The following RC3H1 variants were observed in gnomAD, a reference collection of about 807,000 sequenced individuals.
The protein encoded by RC3H1 is ring finger and CCCH-type domains 1.
Under a neutral mutation model 138.2 loss-of-function variants are expected in RC3H1, and 50 were observed. That is an observed-to-expected ratio of 0.36 (90% CI 0.29 to 0.46). RC3H1 has a LOEUF of 0.46. Ranked by LOEUF, RC3H1 falls within the 20% of genes least tolerant of loss-of-function variation. RC3H1 has a pLI of 1.00. For missense variants in RC3H1, 1,031 were observed against 1,388.1 expected, an observed-to-expected ratio of 0.74 and a Z score of 4.09; for synonymous variants, 462 against 489.1, an observed-to-expected ratio of 0.94 and a Z score of 0.73.
chr1:173,984,683 T>C, intron 2 of RC3H1, 64 bp from the exon 3 acceptor site: 1 of 1,515,136 alleles, frequency 6.6e-7, no homozygotes, highest in Non-Finnish European at 8.9e-7. Flanking sequence ...TTTAGTATAG[T>C]TTATGCACTC....
At position 173,965,003 on chromosome 1, in the gene RC3H1, AT is replaced by A; in HGVS notation, c.1451del (p.Asp484ValfsTer21). On this transcript the variant is annotated frameshift_variant, in exon 10 of 20. Transcript: ENST00000367696. LOFTEE classifies it high-confidence loss of function. ...GAGCAGGAGGTTTTCTGCTAGGGAG[AT>A]CCACTGCACCTTCATCTGGAAGGAT... ...AAILPDEGAV[D>X]LPSRKPPALP... is the part of the protein sequence containing the mutation. The A allele has an allele frequency of 6.2e-7, 1 of 1,614,068 alleles. No homozygotes were observed. The highest frequency in any genetic ancestry group is 8.5e-7 in the Non-Finnish European group (1 of 1,180,024).
chr1:174,004,544 G>A (rs12752634), intron 1 of RC3H1, among the ~76,000 whole-genome samples: 56 of 151,770 alleles, frequency 3.7e-4, no homozygotes, highest in Non-Finnish European at 7.1e-4. Context: ...AGTGGCTCAT[G>A]CCTATAATCC....
At chr1:173,978,689 C>A in intron 6 of RC3H1, 69 bp from the exon 7 acceptor site, 2 of 1,447,332 alleles carry the variant, frequency 1.4e-6, no homozygotes, top group South Asian at 1.3e-5. Context: ...TTATTTATAT[C>A]ACAATCATTT....
At chr1:173,972,141 ATACT>A (rs1168432450) in intron 8 of RC3H1, among the ~76,000 whole-genome samples, 1 of 152,218 alleles carries the variant, frequency 6.6e-6, no homozygotes, top group African/African-American at 2.4e-5. Flanking sequence ...CTAAAAAGTG[ATACT>A]TATTGTCAAA....
Position 173,931,436 on chromosome 1 carries a change from G to C in RC3H1, c.*7285C>G, listed in dbSNP as rs1484377594. On this transcript the variant is annotated 3_prime_UTR_variant, in exon 20 of 20. Transcript: ENST00000367696. The stretch of plus-strand genomic sequence containing the variant: ...AAAGGAAATAGCATTTTAACAAAAT[G>C]GGCATCTTTGATATAAACATGCACA... The C allele has an allele frequency of 6.6e-6, 1 of 152,150 alleles. No individual in the cohort carries two copies. The highest frequency in any genetic ancestry group is 1.9e-4 in the East Asian group (1 of 5,200). The allele number at this position is 152,150 out of a possible 1,614,324, so 9.4% of individuals were successfully genotyped here. A position where few individuals can be genotyped will look rare whatever the true frequency, so the allele number is the denominator to read the frequency against.
At chr1:174,008,170 A>C (rs1661686363) in intron 1 of RC3H1, among the ~76,000 whole-genome samples, 1 of 152,208 alleles carries the variant, frequency 6.6e-6, no homozygotes, top group African/African-American at 2.4e-5. Flanking sequence ...TACATATCTA[A>C]TTATATATTC....
At chr1:173,968,952 G>A (rs887432335) in intron 9 of RC3H1, among the ~76,000 whole-genome samples, 7 of 145,564 alleles carry the variant, frequency 4.8e-5, no homozygotes, top group Non-Finnish European at 7.4e-5. Context: ...TCCACCTCCC[G>A]GGTTCAAGCG....
intron 9 of RC3H1, among the ~76,000 whole-genome samples, chr1:173,966,275 G>C (rs1660113164): frequency 2.6e-5 from 4 of 152,246 alleles, no homozygotes; most frequent in African/African-American, 9.6e-5. Flanking sequence ...TAATTGCCTG[G>C]GTTTAAAGAG....
chr1:173,999,678 G>A (rs1401086053), intron 1 of RC3H1, among the ~76,000 whole-genome samples: 5 of 152,216 alleles, frequency 3.3e-5, no homozygotes, highest in African/African-American at 1.2e-4. Context: ...TCAATCATGT[G>A]TCAGTCACTG....
chr1:174,003,125 T>C (rs140776983), intron 1 of RC3H1, among the ~76,000 whole-genome samples: 39 of 152,292 alleles, frequency 2.6e-4, no homozygotes, highest in African/African-American at 7.9e-4. Context: ...TGGTGGCTTA[T>C]GCCTGTAATC....
chr1:173,979,232 G>C (rs1234502417), intron 6 of RC3H1, among the ~76,000 whole-genome samples: 1 of 152,114 alleles, frequency 6.6e-6, no homozygotes, highest in South Asian at 2.1e-4. Context: ...GTTGTGCAAA[G>C]GTCTCTGGAT....
chr1:173,933,673 A>G lies in RC3H1; in HGVS notation c.*5048T>C, dbSNP rs1372998585. On this transcript the variant is annotated 3_prime_UTR_variant, in exon 20 of 20. Coordinates refer to ENST00000367696, the MANE Select transcript of RC3H1 (RefSeq NM_172071.4). ...AGTCATTTCAGCAGGAAAATTTCAT[A>G]AACCTGAGCTGAAGCAACAAATAAA... 6.6e-6 allele frequency: 1 copy of G among 152,178 alleles called. No individual in the cohort carries two copies. The highest frequency in any genetic ancestry group is 1.5e-5 in the Non-Finnish European group (1 of 68,004). The allele number at this position is 152,178 out of a possible 1,614,324, so 9.4% of individuals were successfully genotyped here.
At chr1:173,943,972 A>C (rs1659022266) in intron 17 of RC3H1, among the ~76,000 whole-genome samples, 1 of 152,040 alleles carries the variant, frequency 6.6e-6, no homozygotes, top group Non-Finnish European at 1.5e-5. Flanking sequence ...CCACCTGGGC[A>C]ATATATCAAG....
Position 173,938,630 on chromosome 1 carries a change from A to C in RC3H1, c.*91T>G, listed in dbSNP as rs1658697591. The C allele has an allele frequency of 3.1e-6, 3 of 975,872 alleles. No individual in the cohort carries two copies. Among genetic ancestry groups the C allele is most frequent in the Non-Finnish European group, 4.4e-6 (3 of 685,432 alleles). The allele number at this position is 975,872 out of a possible 1,614,324, so 60.5% of individuals were successfully genotyped here. ...TTCCTGGATTTCTCTGACCGCTCTT[A>C]AGAGAAAAAGTTTAGAAGTTATGCG... On this transcript the variant is annotated 3_prime_UTR_variant, in exon 20 of 20. Transcript: ENST00000367696.
intron 1 of RC3H1, among the ~76,000 whole-genome samples, chr1:174,005,064 A>G (rs1661630873): frequency 1.3e-5 from 2 of 152,176 alleles, no homozygotes; most frequent in South Asian, 2.1e-4. Context: ...TATTTCCCCC[A>G]TCCTTCAACC....
At chr1:173,952,984 G>C (rs1245396741) in intron 13 of RC3H1, among the ~76,000 whole-genome samples, 2 of 152,016 alleles carry the variant, frequency 1.3e-5, no homozygotes, top group African/African-American at 4.8e-5. Context: ...CTGATATCTA[G>C]GGGTATCAGT....
intron 1 of RC3H1, among the ~76,000 whole-genome samples, chr1:174,009,766 A>T (rs1661717254): frequency 6.6e-6 from 1 of 152,194 alleles, no homozygotes; most frequent in Non-Finnish European, 1.5e-5. Flanking sequence ...TGAACCCGGG[A>T]GGCAGAGGTT....
chr1:173,992,669 A>ACACAC (rs1661337639), intron 2 of RC3H1, 86 bp downstream of exon 2: 2 of 535,428 alleles, frequency 3.7e-6, no homozygotes, highest in African/African-American at 4.1e-5. Flanking sequence ...AAACACGCAC[A>ACACAC]ACACACACAC....
In RC3H1 at chr1:173,981,000, G is replaced by T; in HGVS notation, c.778C>A (p.Arg260Ser). Residue 260 changes from arginine to serine, a missense_variant, in exon 6 of 20, where the codon CGT (arginine) becomes AGT (serine). By Grantham distance (110) the Arg-to-Ser change is moderately radical (BLOSUM62 -1). Coordinates refer to ENST00000367696, the MANE Select transcript of RC3H1 (RefSeq NM_172071.4). ...YRASCFKVTKRDEDSSLMQLK... is the reference protein window; with the variant it reads ...YRASCFKVTKSDEDSSLMQLK... ...TGCATCAAAGAAGAGTCTTCATCAC[G>T]TTTGGTGACCTAATAAGACACAAAT... 1 of 1,613,644 alleles carries T rather than the reference G, an allele frequency of 6.2e-7. No homozygotes were observed. Among genetic ancestry groups the T allele is most frequent in the Non-Finnish European group, 8.5e-7 (1 of 1,179,650 alleles).
Sources: gnomAD v4.1 joint callset for allele counts (sites outside exome capture counted in the v4.1 genomes callset) on GRCh38, gnomAD v4.1.1 for gene constraint, MANE v1.5 for transcripts, NCBI Gene and HGNC (gene_info 2026-07-23, HGNC 2026-07-21) for gene names.